The following ST8SIA6 variants were observed in gnomAD, a reference collection of about 807,000 sequenced individuals.
ST8SIA6 encodes the protein ST8 alpha-N-acetyl-neuraminide alpha-2,8-sialyltransferase 6, also known as alpha-2,8-sialyltransferase 8F.
Under a neutral mutation model 33.6 loss-of-function variants are expected in ST8SIA6, and 39 were observed. The observed-to-expected ratio is 1.16, with a 90% CI of 0.90 to 1.52. The LOEUF is 1.52. Ranked by LOEUF, ST8SIA6 falls within the 40% of genes most tolerant of loss-of-function variation. The pLI, the probability that ST8SIA6 is intolerant of heterozygous loss-of-function variation, is 0.00. For missense variants in ST8SIA6, 441 were observed against 443.8 expected, an observed-to-expected ratio of 0.99 and a Z score of 0.06; for synonymous variants, 172 against 167.2, an observed-to-expected ratio of 1.03 and a Z score of -0.22.
chr10:17,396,141 A>C (rs1850797760), intron 2 of ST8SIA6, among the ~76,000 whole-genome samples: 1 of 152,216 alleles, frequency 6.6e-6, no homozygotes, highest in East Asian at 1.9e-4. Flanking sequence ...TTCACATGTC[A>C]CTGTGCAAGA....
intron 5 of ST8SIA6, among the ~76,000 whole-genome samples, chr10:17,329,982 G>A (rs967393778): frequency 6.6e-6 from 1 of 152,120 alleles, no homozygotes; most frequent in East Asian, 1.9e-4. Context: ...GTTCGTCCTG[G>A]AGAGTTTCAT....
At position 17,420,344 on chromosome 10, in the gene ST8SIA6, G is replaced by A. The variant is rs536620971; in HGVS notation, c.201-29724C>T. On this transcript the variant is annotated intron_variant, in intron 2 of 7. Transcript: ENST00000377602. Reference sequence around the variant, plus strand: ...GGAGAATGGCGTGAACCCGAGAAGCGGAGCTTGCAGTGAGCTGAGATCACG... The same window carrying A: ...GGAGAATGGCGTGAACCCGAGAAGCAGAGCTTGCAGTGAGCTGAGATCACG... Among the ~76,000 whole-genome samples the A allele has an allele frequency of 3.8e-3, 573 of 152,228 alleles. 3 individuals carry two copies. The highest frequency in any genetic ancestry group is 0.013 in the African/African-American group (551 of 41,534).
rs1159122232 is a variant in ST8SIA6 at position 17,433,504 on chromosome 10, C to A, written c.200+20055G>T. 3.9e-5 allele frequency among the ~76,000 whole-genome samples: 6 copies of A among 152,160 alleles called. 1 individual carries two copies. In the South Asian group the frequency reaches 1.2e-3, roughly 31 times the overall value. The stretch of plus-strand genomic sequence containing the variant: ...AATAATACTTAATGTTCATGATAGA[C>A]CCCAACTGATCAGAAACAGATGCTG... On this transcript the variant is annotated intron_variant, in intron 2 of 7. Transcript: ENST00000377602.
intron 4 of ST8SIA6, among the ~76,000 whole-genome samples, chr10:17,332,904 G>A (rs1159716883): frequency 3.9e-5 from 6 of 151,994 alleles, no homozygotes; most frequent in African/African-American, 1.5e-4. Flanking sequence ...ACTTTTTGGT[G>A]GGGTTCTTTT....
At chr10:17,427,751 G>T (rs1032166110) in intron 2 of ST8SIA6, among the ~76,000 whole-genome samples, 3 of 152,234 alleles carry the variant, frequency 2.0e-5, no homozygotes, top group South Asian at 2.1e-4. Context: ...AGACAATATT[G>T]AGAACTGAAG....
Position 17,391,954 on chromosome 10 carries a change from CA to C in ST8SIA6, c.201-1335del, listed in dbSNP as rs111750554. ...ACATGCGTCACATATATTAAGTGCTCAAAAAAAAATCAACTATCTCTTTCCT... is the reference window on the plus strand; with the variant it reads ...ACATGCGTCACATATATTAAGTGCTCAAAAAAAATCAACTATCTCTTTCCT... On this transcript the variant is annotated intron_variant, in intron 2 of 7. Coordinates refer to ENST00000377602, the MANE Select transcript of ST8SIA6 (RefSeq NM_001004470.3). Among the ~76,000 whole-genome samples the C allele has an allele frequency of 6.0e-5, 9 of 150,770 alleles. No individual in the cohort carries two copies. In the South Asian group the frequency reaches 8.4e-4, roughly 14 times the overall value.
At chr10:17,400,466 A>G (rs1471545128) in intron 2 of ST8SIA6, among the ~76,000 whole-genome samples, 1 of 152,194 alleles carries the variant, frequency 6.6e-6, no homozygotes, top group East Asian at 1.9e-4. Context: ...TAGGAGGCGG[A>G]GTTTGCAGTG....
intron 2 of ST8SIA6, among the ~76,000 whole-genome samples, chr10:17,391,044 G>GA (rs1254838845): frequency 6.6e-6 from 1 of 151,788 alleles, no homozygotes; most frequent in Non-Finnish European, 1.5e-5. Flanking sequence ...TTTTAGTAGA[G>GA]ACGGGGTTTC....
At chr10:17,418,745 C>A (rs148548167) in intron 2 of ST8SIA6, among the ~76,000 whole-genome samples, 12 of 152,274 alleles carry the variant, frequency 7.9e-5, no homozygotes, top group African/African-American at 2.2e-4. Flanking sequence ...GTAATCCCAG[C>A]ACTTTGGGAG....
At chr10:17,346,973 C>G (rs1391647373) in intron 4 of ST8SIA6, among the ~76,000 whole-genome samples, 1 of 152,164 alleles carries the variant, frequency 6.6e-6, no homozygotes, top group Admixed American at 6.5e-5. Context: ...GTTGGACATC[C>G]AGGCAGGAGT....
intron 3 of ST8SIA6, among the ~76,000 whole-genome samples, chr10:17,374,658 G>C (rs1020212837): frequency 3.3e-5 from 5 of 150,340 alleles, no homozygotes; most frequent in Middle Eastern, 6.8e-3. Context: ...AGGTTGCAGT[G>C]AGCGGAGATC....
chr10:17,420,048 G>A (rs1851731869), intron 2 of ST8SIA6, among the ~76,000 whole-genome samples: 1 of 152,246 alleles, frequency 6.6e-6, no homozygotes, highest in South Asian at 2.1e-4. Flanking sequence ...GTTTTAAAAT[G>A]ATAACCATGA....
At chr10:17,376,793 A>G (rs181614317) in intron 3 of ST8SIA6, among the ~76,000 whole-genome samples, 1 of 152,348 alleles carries the variant, frequency 6.6e-6, no homozygotes, top group African/African-American at 2.4e-5. Flanking sequence ...ACTAGAAAGA[A>G]TAGAGCTGCA....
At chr10:17,368,284 C>T (rs533751094) in intron 3 of ST8SIA6, among the ~76,000 whole-genome samples, 1 of 146,100 alleles carries the variant, frequency 6.8e-6, no homozygotes, top group Non-Finnish European at 1.5e-5. Flanking sequence ...GGCATGGTGG[C>T]ACATGCCAGC....
intron 2 of ST8SIA6, among the ~76,000 whole-genome samples, chr10:17,393,565 G>A (rs1406847810): frequency 6.6e-6 from 1 of 152,180 alleles, no homozygotes; most frequent in Non-Finnish European, 1.5e-5. Context: ...CAACGTGGGA[G>A]TCAGAAATGA....
At chr10:17,413,422 AG>A (rs771820673) in intron 2 of ST8SIA6, 10 of 152,200 alleles carry the variant, frequency 6.6e-5, no homozygotes, top group Non-Finnish European at 1.3e-4. Context: ...TCAAGATATA[AG>A]AAAAACAGAC....
At chr10:17,424,213 C>T (rs754832188) in intron 2 of ST8SIA6, among the ~76,000 whole-genome samples, 3 of 151,664 alleles carry the variant, frequency 2.0e-5, no homozygotes, top group South Asian at 2.1e-4. Flanking sequence ...AAGCAATTCT[C>T]GTGCTTCAGC....
At chr10:17,340,005 G>T (rs1262706486) in intron 4 of ST8SIA6, among the ~76,000 whole-genome samples, 1 of 152,208 alleles carries the variant, frequency 6.6e-6, no homozygotes, top group Non-Finnish European at 1.5e-5. Flanking sequence ...GACTTGTAAG[G>T]CAGTAAGTAG....
chr10:17,383,566 C>T (rs1353764704), intron 3 of ST8SIA6, among the ~76,000 whole-genome samples: 3 of 152,146 alleles, frequency 2.0e-5, no homozygotes, highest in South Asian at 2.1e-4. Flanking sequence ...CTATGGCTGT[C>T]TTAAAACTTC....
Sources: gnomAD v4.1 joint callset for allele counts (sites outside exome capture counted in the v4.1 genomes callset) on GRCh38, gnomAD v4.1.1 for gene constraint, MANE v1.5 for transcripts, NCBI Gene and HGNC (gene_info 2026-07-23, HGNC 2026-07-21) for gene names.